PPFIA4: variants seen among roughly 807,000 people sequenced by gnomAD.
The protein encoded by PPFIA4 is liprin-alpha-4.
PPFIA4 carries 98 observed loss-of-function variants against 145.7 expected under a neutral mutation model. That is an observed-to-expected ratio of 0.67 (90% CI 0.57 to 0.80). PPFIA4 has a LOEUF of 0.80. Among genes scored for constraint, PPFIA4 ranks in the 30% least tolerant of loss-of-function variants. The pLI is 0.00. For synonymous variants in PPFIA4, 628 were observed against 649.6 expected (o/e 0.97, Z 0.51); for missense variants, 1,457 against 1,632.7 (o/e 0.89, Z 1.85).
In PPFIA4 at chr1:203,056,676, C is replaced by G. The variant is rs939570645; in HGVS notation, c.2241-108C>G. On this transcript the variant is annotated intron_variant, in intron 18 of 29. Transcript: ENST00000295706. ...TCATGTGTCTCCTTTTCCCCCATCC[C>G]AGTTCTGACTTAATAGAAGTTCTTC... The G allele has an allele frequency of 5.4e-6, 7 of 1,289,622 alleles. No homozygotes were observed. In the African/African-American group the frequency reaches 1.0e-4, roughly 19 times the overall value. The allele number at this position is 1,289,622 out of a possible 1,614,324, so 79.9% of individuals were successfully genotyped here. A position where few individuals can be genotyped will look rare whatever the true frequency, so the allele number is the denominator to read the frequency against.
At chr1:203,072,989 C>A (rs1662276922) in intron 28 of PPFIA4, among the ~76,000 whole-genome samples, 1 of 150,100 alleles carries the variant, frequency 6.7e-6, no homozygotes, top group Admixed American at 6.7e-5. Flanking sequence ...CACTCAGGAT[C>A]TCTGCTTTGT....
intron 13 of PPFIA4, chr1:203,051,285 T>G (rs1430026322): frequency 1.4e-5 from 14 of 986,416 alleles, no homozygotes; most frequent in Admixed American, 6.1e-5. Flanking sequence ...CAGTCCAGAT[T>G]ATGGGGAGAC....
Position 203,075,652 on chromosome 1 carries a change from G to T in PPFIA4, c.3469G>T (p.Gly1157Cys). The T allele has an allele frequency of 3.3e-6, 5 of 1,506,958 alleles. No homozygotes were observed. The highest frequency in any genetic ancestry group is 4.4e-6 in the Non-Finnish European group (5 of 1,126,784). 93.3% of individuals were successfully genotyped at this position (1,506,958 alleles called of 1,614,324 possible). A position where few individuals can be genotyped will look rare whatever the true frequency, so the allele number is the denominator to read the frequency against. Residue 1157 changes from glycine (G) to cysteine (C), a missense_variant, in exon 29 of 30, where the codon GGC becomes TGC. Physicochemically the swap from Gly to Cys is radical, Grantham distance 159. Coordinates refer to ENST00000295706, the MANE Select transcript of PPFIA4 (RefSeq NM_001304331.2). This position sits in a 1 kb window ranked among gnomAD's most constrained non-coding sequence, Gnocchi z 4.1. Reference protein sequence around the residue: ...FRPREHHGRGGMLSASAETLP... With the variant: ...FRPREHHGRGCMLSASAETLP... ...GCCGCGGGAGCACCACGGTCGCGGCGGCATGCTCAGCGCTTCCGCGGAGAC... is the reference window on the plus strand; with the variant it reads ...GCCGCGGGAGCACCACGGTCGCGGCTGCATGCTCAGCGCTTCCGCGGAGAC...
Position 203,049,766 on chromosome 1 carries a change from A to G in PPFIA4, c.1510A>G (p.Arg504Gly). 6.4e-7 allele frequency: 1 copy of G among 1,567,416 alleles called. No individual in the cohort carries two copies. Among genetic ancestry groups the G allele is most frequent in the Non-Finnish European group, 8.6e-7 (1 of 1,156,524 alleles). ...GGPFVDGVHS[R>G]SHMGSAADVR... ...GCCGTTTGTGGATGGCGTCCACTCCAGGTACTGCAGCGCCAGAGGCTGGGC... is the reference window on the plus strand; with the variant it reads ...GCCGTTTGTGGATGGCGTCCACTCCGGGTACTGCAGCGCCAGAGGCTGGGC... Residue 504 changes from arginine to glycine, a missense_variant and splice_region_variant, in exon 13 of 30, where the codon AGG becomes GGG. By Grantham distance (125) the Arg-to-Gly change is moderately radical. This residue lies in a region of PPFIA4 where 848 missense variants were observed against 1,046.7 expected (regional missense o/e 0.81). Coordinates refer to ENST00000295706, the MANE Select transcript of PPFIA4 (RefSeq NM_001304331.2).
rs1209057958 is a variant in PPFIA4 at position 203,056,292 on chromosome 1, C to T, written c.2107-83C>T. On this transcript the variant is annotated intron_variant, in intron 17 of 29. Transcript: ENST00000295706. ...CCAGGGCCTCCCCACTGCATTTCTC[C>T]ATGCTCCGCCACCTCTTCTGGGCTG... 1.9e-6 allele frequency: 3 copies of T among 1,597,304 alleles called. No individual in the cohort carries two copies. The African/African-American group carries it at 4.0e-5, about 21-fold the overall frequency.
At chr1:203,069,559 T>A (rs1193293647) in intron 27 of PPFIA4, among the ~76,000 whole-genome samples, 1 of 152,230 alleles carries the variant, frequency 6.6e-6, no homozygotes, top group Non-Finnish European at 1.5e-5. Context: ...TAGCTGCCCT[T>A]GTCTGGACTG....
rs1296208633 is a variant in PPFIA4 at position 203,068,536 on chromosome 1, A to G, written c.3232A>G (p.Ser1078Gly). The G allele has an allele frequency of 1.2e-6, 2 of 1,608,476 alleles. No homozygotes were observed. The highest frequency in any genetic ancestry group is 1.7e-4 in the Middle Eastern group (1 of 6,030). ...LRDYAGNLHE[S>G]GVHGALLALD... ...GGACTACGCAGGAAACCTGCATGAG[A>G]GTGGTGTGCATGGAGCCTTGCTGGC... Residue 1078 changes from serine (S) to glycine (G), a missense_variant, in exon 27 of 30, where the codon AGT (serine) becomes GGT (glycine). By Grantham distance (56) the Ser-to-Gly change is moderately conservative. Transcript: ENST00000295706. This position sits in a 1 kb window ranked among gnomAD's most constrained non-coding sequence, Gnocchi z 4.7.
At position 203,060,292 on chromosome 1, in the gene PPFIA4, C is replaced by T. The variant is rs1198892343; in HGVS notation, c.2659C>T (p.Leu887=). 3 of 1,614,124 alleles carry T rather than the reference C, an allele frequency of 1.9e-6. No homozygotes were observed. The highest frequency in any genetic ancestry group is 1.7e-6 in the Non-Finnish European group (2 of 1,179,964). The change falls in exon 22 of 30, where the codon CTG becomes TTG. Residue 887 remains leucine (L), a synonymous_variant. Transcript: ENST00000295706. This position sits in a 1 kb window ranked among gnomAD's most constrained non-coding sequence, Gnocchi z 4.8. ...CAAGAGTGGTGCCATCATGTCCGCT[C>T]TGTCGGACACAGAGATCCAGCGGGA... ...NVKSGAIMSA[L]SDTEIQREIG...
Position 203,053,788 on chromosome 1 carries a change from C to A in PPFIA4, c.1656C>A (p.Ala552=). The change falls in exon 15 of 30, where the codon GCC becomes GCA. Residue 552 remains alanine, a synonymous_variant. Transcript: ENST00000295706. ...WETSPLPGML[A]PAAGPAFDSD... ...CTTCTCCACTGCCTGGGATGCTGGC[C>A]CCGGCAGCTGGCCCTGCCTTTGACA... 1 of 1,552,028 alleles carries A rather than the reference C, an allele frequency of 6.4e-7. No individual in the cohort carries two copies. Among genetic ancestry groups the A allele is most frequent in the Non-Finnish European group, 8.7e-7 (1 of 1,147,506 alleles).
chr1:203,059,117 G>A, intron 19 of PPFIA4, 61 bp from the exon 20 acceptor site: 1 of 1,349,920 alleles, frequency 7.4e-7, no homozygotes, highest in Non-Finnish European at 1.0e-6. Context: ...CCCCACCCCT[G>A]ATCCAGGCAA....
intron 23 of PPFIA4, 172 bp from the exon 24 acceptor site, chr1:203,061,480 G>T: frequency 1.6e-6 from 1 of 625,024 alleles, no homozygotes; most frequent in Non-Finnish European, 2.7e-6. Context: ...ACGCAAACAT[G>T]GGTGCACACA....
chr1:203,049,610 C>T, intron 12 of PPFIA4, 66 bp from the exon 13 acceptor site: 1 of 1,271,962 alleles, frequency 7.9e-7, no homozygotes, highest in East Asian at 2.8e-5. Flanking sequence ...CTCTCTGACT[C>T]CCACCCTCCC....
chr1:203,036,813 A>C (rs1338416717), intron 1 of PPFIA4, among the ~76,000 whole-genome samples: 2 of 152,204 alleles, frequency 1.3e-5, no homozygotes, highest in Non-Finnish European at 2.9e-5. Context: ...TGGCAGCAGC[A>C]GTGTTGGGGA....
chr1:203,035,404 A>G (rs1659168064), intron 1 of PPFIA4: 1 of 436,720 alleles, frequency 2.3e-6, no homozygotes, highest in Non-Finnish European at 4.7e-6. Flanking sequence ...TGTGTTAGGA[A>G]AAGGTGGGGG....
intron 19 of PPFIA4, among the ~76,000 whole-genome samples, chr1:203,057,526 C>T (rs929522582): frequency 6.6e-6 from 1 of 152,256 alleles, no homozygotes; most frequent in African/African-American, 2.4e-5. Flanking sequence ...TAGCTTTCAT[C>T]TGCCCCCTCT....
At position 203,056,391 on chromosome 1, in the gene PPFIA4, A is replaced by G. The variant is rs1571711632; in HGVS notation, c.2123A>G (p.Glu708Gly). 1 of 1,613,890 alleles carries G rather than the reference A, an allele frequency of 6.2e-7. No homozygotes were observed. Among genetic ancestry groups the G allele is most frequent in the Admixed American group, 1.7e-5 (1 of 60,016 alleles). ...TCTGTTCAGTCGCCAGTGTCTCGGG[A>G]AGAGAACCGAGAGGATAAAGCCACC... is the stretch of plus-strand genomic sequence containing the variant. ...RRKLLSPVSREENREDKATIK... is the reference protein window; with the variant it reads ...RRKLLSPVSRGENREDKATIK... The change falls in exon 18 of 30, where the codon GAA becomes GGA. Residue 708 changes from glutamate to glycine, a missense_variant. Transcript: ENST00000295706.
At chr1:203,047,540 A>T (rs1040011746) in intron 9 of PPFIA4, among the ~76,000 whole-genome samples, 1 of 152,218 alleles carries the variant, frequency 6.6e-6, no homozygotes, top group Non-Finnish European at 1.5e-5. Flanking sequence ...GCTTTCTAGA[A>T]TATCTTGCCA....
chr1:203,054,671 GACAC>G (rs57027876), intron 15 of PPFIA4, among the ~76,000 whole-genome samples: 37,564 of 148,240 alleles, frequency 0.25, 4,772 homozygotes, highest in African/African-American at 0.32. Context: ...TTACAAAGAA[GACAC>G]ACACACACAC....
chr1:203,049,597 T>C, intron 12 of PPFIA4, 79 bp from the exon 13 acceptor site: 2 of 1,218,266 alleles, frequency 1.6e-6, no homozygotes, highest in Non-Finnish European at 2.2e-6. Context: ...GTCCTCTTTG[T>C]CCCTCTCTGA....
Sources: gnomAD v4.1 joint callset for allele counts (sites outside exome capture counted in the v4.1 genomes callset) on GRCh38, gnomAD v4.1.1 for gene constraint, gnomAD v4.1.1 regional missense constraint, Gnocchi (gnomAD v3.1) non-coding constraint, MANE v1.5 for transcripts, NCBI Gene and HGNC (gene_info 2026-07-23, HGNC 2026-07-21) for gene names.